The following SVEP1 variants were observed in gnomAD, a reference collection of about 807,000 sequenced individuals.
SVEP1 encodes the protein sushi, von Willebrand factor type A, EGF and pentraxin domain-containing protein 1.
In SVEP1, 164 loss-of-function variants were observed where a neutral mutation model predicts 367.3. The ratio of observed to expected loss-of-function variants is 0.45; its 90% confidence interval spans 0.39 to 0.51. The LOEUF (loss-of-function observed/expected upper bound fraction) is 0.51, where lower values mean the gene tolerates loss of function less well. Among genes scored for constraint, SVEP1 ranks in the 20% least tolerant of loss-of-function variants. The pLI is 0.00. For missense variants in SVEP1, 4,117 were observed against 4,425.3 expected (o/e 0.93, Z 1.98); for synonymous variants, 1,666 against 1,611.6 (o/e 1.03, Z -0.81).
At chr9:110,391,562 A>T (rs953476038) in intron 40 of SVEP1, among the ~76,000 whole-genome samples, 1 of 152,126 alleles carries the variant, frequency 6.6e-6, no homozygotes, top group Non-Finnish European at 1.5e-5. Context: ...GTGAGCCACC[A>T]TGCCCGGCCT....
At chr9:110,454,962 T>A (rs1262111302) in intron 22 of SVEP1, among the ~76,000 whole-genome samples, 1 of 152,128 alleles carries the variant, frequency 6.6e-6, no homozygotes. Context: ...AAAATAAAAG[T>A]TGAAATTATT....
chr9:110,559,638 C>T (rs1343277261), intron 1 of SVEP1, among the ~76,000 whole-genome samples: 2 of 151,834 alleles, frequency 1.3e-5, no homozygotes, highest in Middle Eastern at 3.4e-3. Context: ...ATTTGGAGGA[C>T]GGTTTGACAA....
At chr9:110,375,075 C>CA (rs2118943255) in intron 46 of SVEP1, among the ~76,000 whole-genome samples, 1 of 151,620 alleles carries the variant, frequency 6.6e-6, no homozygotes, top group East Asian at 2.0e-4. Flanking sequence ...TTATTCTGAA[C>CA]CTCTGTGTAA....
In SVEP1 at chr9:110,427,674, T is replaced by G. The variant is rs41279045; in HGVS notation, c.5892A>C (p.Gly1964=). 59,305 of 1,613,848 alleles carry G rather than the reference T, an allele frequency of 0.037. 1,211 individuals carry two copies. Among genetic ancestry groups the G allele is most frequent in the East Asian group, 0.054 (2,443 of 44,874 alleles). Residue 1964 remains glycine (G), a synonymous_variant, in exon 36 of 48, where the codon GGA becomes GGC. Coordinates refer to ENST00000374469, the MANE Select transcript of SVEP1 (RefSeq NM_153366.4). Reference sequence around the variant, plus strand: ...CAGCATCTTTGATGGCAGGTGGTTCTCCACAGAAGACGAGGTGACAGGCAG... The same window carrying G: ...CAGCATCTTTGATGGCAGGTGGTTCGCCACAGAAGACGAGGTGACAGGCAG... The part of the protein sequence containing the change: ...APPACHLVFC[G]EPPAIKDAVI...
At position 110,579,304 on chromosome 9, in the gene SVEP1, C is replaced by T. The variant is rs1830663953; in HGVS notation, c.240G>A (p.Glu80=). The part of the protein sequence containing the change: ...RRVRLLRELS[E]RLELVFLVDD... ...CCACCAGGAAGACAAGCTCCAGGCG[C>T]TCGCTGAGCTCCCGCAGCAGCCGCA... The change falls in exon 1 of 48, where the codon GAG becomes GAA. Residue 80 remains glutamate, a synonymous_variant. Transcript: ENST00000374469. This position sits in a 1 kb window ranked among gnomAD's most constrained non-coding sequence, Gnocchi z 5.3. The T allele has an allele frequency of 3.2e-6, 5 of 1,566,210 alleles. No homozygotes were observed. The highest frequency in any genetic ancestry group is 2.3e-5 in the South Asian group (2 of 85,336).
intron 1 of SVEP1, among the ~76,000 whole-genome samples, chr9:110,565,774 A>G (rs1163719452): frequency 6.6e-6 from 1 of 151,834 alleles, no homozygotes; most frequent in African/African-American, 2.4e-5. Context: ...AGTCCCTTTC[A>G]TGGCTGCCGT....
At position 110,407,294 on chromosome 9, in the gene SVEP1, C is replaced by T. The variant is rs771549659; in HGVS notation, c.8306G>A (p.Arg2769His). ...ENRKWSGASP[R>H]CEAISCKKPN... ...CTTTTTGCATGAAATGGCTTCACAG[C>T]GTGGGGAGGCACCACTCCACTTTCT... Residue 2769 changes from arginine to histidine, a missense_variant, in exon 38 of 48, where the codon CGC becomes CAC. Coordinates refer to ENST00000374469, the MANE Select transcript of SVEP1 (RefSeq NM_153366.4). 1.5e-5 allele frequency: 25 copies of T among 1,613,854 alleles called. 1 individual carries two copies. The highest frequency in any genetic ancestry group is 1.6e-4 in the Middle Eastern group (1 of 6,084).
At chr9:110,513,881 A>G in intron 4 of SVEP1, 67 bp downstream of exon 4, 1 of 1,507,002 alleles carries the variant, frequency 6.6e-7, no homozygotes, top group Non-Finnish European at 9.0e-7. Flanking sequence ...AGGTGCAAAC[A>G]CAAGCACTAT....
At chr9:110,556,884 G>A (rs1201431773) in intron 1 of SVEP1, among the ~76,000 whole-genome samples, 1 of 152,136 alleles carries the variant, frequency 6.6e-6, no homozygotes, top group Admixed American at 6.5e-5. Context: ...TACCTACAAT[G>A]ACTATATGAC....
intron 6 of SVEP1, among the ~76,000 whole-genome samples, chr9:110,500,827 A>C (rs74487649): frequency 0.035 from 5,379 of 152,062 alleles, 300 homozygotes; most frequent in African/African-American, 0.12. Flanking sequence ...AACCTGATAG[A>C]GCTACTTTCT....
chr9:110,392,151 A>ATATATATCTATC (rs1308038317), intron 40 of SVEP1, among the ~76,000 whole-genome samples: 1 of 146,098 alleles, frequency 6.8e-6, no homozygotes, highest in African/African-American at 2.7e-5. Context: ...ATATATATAT[A>ATATATATCTATC]TATCTCTTCT....
intron 3 of SVEP1, among the ~76,000 whole-genome samples, chr9:110,530,449 A>G (rs1476196490): frequency 6.6e-6 from 1 of 152,202 alleles, no homozygotes; most frequent in Non-Finnish European, 1.5e-5. Flanking sequence ...TGAAAAGTAT[A>G]CATAAGTATT....
intron 47 of SVEP1, among the ~76,000 whole-genome samples, chr9:110,368,665 TTTGAGTCACTG>T (rs1197484754): frequency 1.3e-5 from 2 of 152,200 alleles, no homozygotes; most frequent in Admixed American, 1.3e-4. Context: ...ATACTTCTTT[TTTGAGTCACTG>T]TTTTTTCTCT....
At chr9:110,394,476 C>T (rs1007736827) in intron 40 of SVEP1, among the ~76,000 whole-genome samples, 2 of 152,158 alleles carry the variant, frequency 1.3e-5, no homozygotes, top group Non-Finnish European at 2.9e-5. Flanking sequence ...CAGCTCCTCA[C>T]CAGCAACAGA....
intron 1 of SVEP1, among the ~76,000 whole-genome samples, chr9:110,578,197 A>G (rs1247564737): frequency 6.6e-6 from 1 of 152,210 alleles, no homozygotes. Context: ...TGATTGTTGC[A>G]CGCAATGGAA....
At chr9:110,393,787 C>T (rs568436163) in intron 40 of SVEP1, among the ~76,000 whole-genome samples, 3 of 152,320 alleles carry the variant, frequency 2.0e-5, no homozygotes, top group African/African-American at 7.2e-5. Flanking sequence ...CATCAAACTG[C>T]AAGGCAGCAG....
intron 5 of SVEP1, among the ~76,000 whole-genome samples, 173 bp from the exon 6 acceptor site, chr9:110,503,390 C>T (rs1352131931): frequency 6.6e-6 from 1 of 152,186 alleles, no homozygotes. Flanking sequence ...ATTGAAAGTT[C>T]ATGTTTTACC....
In SVEP1 at chr9:110,432,056, A is replaced by G. The variant is rs554377200; in HGVS notation, c.5234-22T>C. ...ACATCTAAAATGAAGACAGCTTATA[A>G]ATATTAAAGTTGATTCCTTTTCCGT... On this transcript the variant is annotated intron_variant, in intron 31 of 47. Coordinates refer to ENST00000374469, the MANE Select transcript of SVEP1 (RefSeq NM_153366.4). 3 of 1,577,468 alleles carry G rather than the reference A, an allele frequency of 1.9e-6. No individual in the cohort carries two copies. In the African/African-American group the frequency reaches 4.1e-5, roughly 22 times the overall value.
At chr9:110,384,002 C>T (rs1240859646) in intron 43 of SVEP1, among the ~76,000 whole-genome samples, 1 of 152,096 alleles carries the variant, frequency 6.6e-6, no homozygotes, top group East Asian at 1.9e-4. Flanking sequence ...TGATGGTGGC[C>T]GCCTCTTCCC....
Sources: allele counts gnomAD v4.1 joint callset (sites outside exome capture counted in the v4.1 genomes callset), GRCh38; gene constraint gnomAD v4.1.1; non-coding constraint Gnocchi (gnomAD v3.1); transcripts MANE v1.5; gene names NCBI Gene and HGNC (gene_info 2026-07-23, HGNC 2026-07-21).